The following PKNOX2 variants were observed in gnomAD, a reference collection of about 807,000 sequenced individuals.
The protein encoded by PKNOX2 is PBX/knotted 1 homeobox 2.
In PKNOX2, 14 loss-of-function variants were observed where a neutral mutation model predicts 53.1. The ratio of observed to expected loss-of-function variants is 0.26; its 90% CI spans 0.17 to 0.41. The LOEUF is 0.41. PKNOX2 is among the 10% of genes least tolerant of loss of function. PKNOX2 has a pLI of 1.00. For missense variants in PKNOX2, 496 were observed against 602.8 expected, an observed-to-expected ratio of 0.82 and a Z score of 1.85; for synonymous variants, 257 against 242.8, an observed-to-expected ratio of 1.06 and a Z score of -0.54.
At chr11:125,406,616 T>A (rs10893375) in intron 7 of PKNOX2, among the ~76,000 whole-genome samples, 39,166 of 151,934 alleles carry the variant, frequency 0.26, 5,756 homozygotes, top group East Asian at 0.57. Flanking sequence ...CCGAAGCACA[T>A]ATCCTCTCTC....
intron 10 of PKNOX2, among the ~76,000 whole-genome samples, chr11:125,420,228 T>TAAAA (rs34911472): frequency 9.6e-5 from 14 of 145,528 alleles, no homozygotes; most frequent in African/African-American, 2.1e-4. Flanking sequence ...GTTTTTTATT[T>TAAAA]AAAAAAAAAA....
chr11:125,339,359 G>A (rs1385465860), intron 3 of PKNOX2, among the ~76,000 whole-genome samples: 1 of 152,192 alleles, frequency 6.6e-6, no homozygotes. Context: ...TTGGACTCAG[G>A]GAGATATGAC....
chr11:125,186,070 A>G (rs1489257413), intron 1 of PKNOX2, among the ~76,000 whole-genome samples: 1 of 151,510 alleles, frequency 6.6e-6, no homozygotes, highest in Non-Finnish European at 1.5e-5. Flanking sequence ...AATTGTAGCC[A>G]TTATAGTATC....
At position 125,211,083 on chromosome 11, in the gene PKNOX2, C is replaced by T. The variant is rs113864531; in HGVS notation, c.-200-23962C>T. ...CACAGCACTTAGAGAAGACAGTGAA[C>T]GTCAGTTCCCCGATTCCTCCCTCTC... On this transcript the variant is annotated intron_variant, in intron 1 of 12. Transcript: ENST00000298282. 1.2e-3 allele frequency among the ~76,000 whole-genome samples: 186 copies of T among 152,232 alleles called. 2 individuals carry two copies. Among genetic ancestry groups the T allele is most frequent in the Non-Finnish European group, 2.4e-3 (160 of 67,978 alleles).
intron 2 of PKNOX2, among the ~76,000 whole-genome samples, chr11:125,309,130 C>CCTTCCTTCCTTCCTTCCTTCCTTTCTTT (rs1011481853): frequency 6.7e-6 from 1 of 148,434 alleles, no homozygotes; most frequent in African/African-American, 2.6e-5. Flanking sequence ...ATTACCTCTT[C>CCTTCCTTCCTTCCTTCCTTCCTTTCTTT]CTTTCTTTCT....
intron 7 of PKNOX2, among the ~76,000 whole-genome samples, chr11:125,408,805 G>A (rs189139128): frequency 4.9e-4 from 74 of 152,224 alleles, no homozygotes; most frequent in Non-Finnish European, 2.5e-4. Context: ...TCACTGGCTC[G>A]AGGTTTCCTC....
intron 2 of PKNOX2, among the ~76,000 whole-genome samples, chr11:125,283,553 G>A (rs1381960347): frequency 6.6e-6 from 1 of 152,204 alleles, no homozygotes; most frequent in Non-Finnish European, 1.5e-5. Flanking sequence ...GACCTCTTAG[G>A]GACAGTGGCA....
chr11:125,311,347 C>T (rs537809649), intron 2 of PKNOX2, among the ~76,000 whole-genome samples: 53 of 152,220 alleles, frequency 3.5e-4, no homozygotes, highest in African/African-American at 9.6e-4. Context: ...TCACCTCTTA[C>T]GCCCAAGGCA....
chr11:125,356,604 G>T (rs1344004847), intron 4 of PKNOX2, among the ~76,000 whole-genome samples: 1 of 152,194 alleles, frequency 6.6e-6, no homozygotes, highest in African/African-American at 2.4e-5. Context: ...GAGATCTGGG[G>T]TCAAGACAAC....
intron 2 of PKNOX2, among the ~76,000 whole-genome samples, chr11:125,263,430 C>A (rs886250971): frequency 2.0e-5 from 3 of 152,242 alleles, no homozygotes; most frequent in African/African-American, 7.2e-5. Context: ...GCTCCAGCCC[C>A]CACTCCCGCG....
intron 2 of PKNOX2, among the ~76,000 whole-genome samples, chr11:125,263,757 CCT>C (rs1945079657): frequency 6.6e-6 from 1 of 152,224 alleles, no homozygotes; most frequent in South Asian, 2.1e-4. Flanking sequence ...CTCTCCCTGG[CCT>C]CTCTCTGTGC....
rs566010536 is a variant in PKNOX2, at chr11:125,183,407, G to A, written c.-201+18631G>A. Among the ~76,000 whole-genome samples, 3 of 134,204 alleles carry A rather than the reference G, an allele frequency of 2.2e-5. 1 individual carries two copies. The highest frequency in any genetic ancestry group is 4.7e-4 in the East Asian group (2 of 4,292). The allele number at this position is 134,204 out of a possible 152,430, so 88.0% of individuals were successfully genotyped here. A position where few individuals can be genotyped will look rare whatever the true frequency, so the allele number is the denominator to read the frequency against. On this transcript the variant is annotated intron_variant, in intron 1 of 12. Coordinates refer to ENST00000298282, the MANE Select transcript of PKNOX2 (RefSeq NM_001382323.2). ...AATTTTTTGTATTTTTAGTAGAGAC[G>A]GGGTTTCACCTTGTTAGCCAGGATG...
chr11:125,214,877 G>A (rs1448546108), intron 1 of PKNOX2, among the ~76,000 whole-genome samples: 3 of 151,994 alleles, frequency 2.0e-5, no homozygotes, highest in Non-Finnish European at 4.4e-5. Context: ...GTGGCTCAAA[G>A]GGCTTTTTGA....
chr11:125,309,278 T>TA (rs1442911761), intron 2 of PKNOX2, among the ~76,000 whole-genome samples: 1 of 151,256 alleles, frequency 6.6e-6, no homozygotes, highest in Non-Finnish European at 1.5e-5. Context: ...ACAACACTGG[T>TA]ACCAACTGAA....
At chr11:125,325,493 G>A (rs988719718) in intron 2 of PKNOX2, among the ~76,000 whole-genome samples, 1 of 152,206 alleles carries the variant, frequency 6.6e-6, no homozygotes, top group African/African-American at 2.4e-5. Flanking sequence ...ATGGGGCTCA[G>A]TGGTCATGAG....
intron 2 of PKNOX2, among the ~76,000 whole-genome samples, chr11:125,329,265 A>C (rs1355487570): frequency 2.6e-5 from 4 of 152,216 alleles, no homozygotes; most frequent in African/African-American, 9.6e-5. Flanking sequence ...TACTGCTTTT[A>C]AAAAAGAAGC....
chr11:125,399,945 G>C (rs1307444451), intron 7 of PKNOX2, among the ~76,000 whole-genome samples: 1 of 152,212 alleles, frequency 6.6e-6, no homozygotes, highest in Admixed American at 6.5e-5. Flanking sequence ...GCGGACTCTG[G>C]ATGGTTAAGT....
chr11:125,259,379 T>C (rs1451075536), intron 2 of PKNOX2, among the ~76,000 whole-genome samples: 2 of 152,188 alleles, frequency 1.3e-5, no homozygotes, highest in East Asian at 3.9e-4. Flanking sequence ...TCTGACAACT[T>C]TTTTTATTCT....
Position 125,305,718 on chromosome 11 carries a change from C to T in PKNOX2, c.-129-26101C>T, listed in dbSNP as rs139199075. Among the ~76,000 whole-genome samples the T allele has an allele frequency of 2.1e-3, 326 of 152,276 alleles. 1 individual carries two copies. The highest frequency in any genetic ancestry group is 6.7e-3 in the African/African-American group (278 of 41,564). On this transcript the variant is annotated intron_variant, in intron 2 of 12. Coordinates refer to ENST00000298282, the MANE Select transcript of PKNOX2 (RefSeq NM_001382323.2). ...ATTGCAGTAACAGCATCGGGAACGA[C>T]TGCAAAGGTGGAAGGGAGGGGAGAG...
Sources: allele counts gnomAD v4.1 joint callset (sites outside exome capture counted in the v4.1 genomes callset), GRCh38; gene constraint gnomAD v4.1.1; transcripts MANE v1.5; gene names NCBI Gene and HGNC (gene_info 2026-07-23, HGNC 2026-07-21).